Variants in DLGAP1 observed in about 807,000 individuals in gnomAD.
DLGAP1 encodes disks large-associated protein 1.
DLGAP1 carries 11 observed loss-of-function variants against 90.8 expected under a neutral mutation model. The observed-to-expected ratio is 0.12, with a 90% CI of 0.08 to 0.20. DLGAP1 has a LOEUF of 0.20. Among genes scored for constraint, DLGAP1 ranks in the 10% least tolerant of loss-of-function variants. The pLI, the probability that DLGAP1 is intolerant of heterozygous loss-of-function variation, is 1.00. For synonymous variants in DLGAP1, 558 were observed against 540.7 expected, an observed-to-expected ratio of 1.03 and a Z score of -0.44; for missense variants, 1,050 against 1,333.8, an observed-to-expected ratio of 0.79 and a Z score of 3.31.
In DLGAP1 at chr18:3,614,169, C is replaced by T. The variant is rs554926645; in HGVS notation, c.1592-31921G>A. ...TCCTGAGCTCAGGCAATCCGCCCGC[C>T]TCGGCCTCCCAAAGTGCTAGGATTA... On this transcript the variant is annotated intron_variant, in intron 7 of 12. Transcript: ENST00000315677. 4.6e-4 allele frequency among the ~76,000 whole-genome samples: 67 copies of T among 145,764 alleles called. 1 individual carries two copies. In the South Asian group the frequency reaches 0.015, roughly 32 times the overall value.
At chr18:4,323,878 T>C (rs1056148011) in intron 1 of DLGAP1, among the ~76,000 whole-genome samples, 2 of 152,108 alleles carry the variant, frequency 1.3e-5, no homozygotes. Flanking sequence ...AAGGCAGTGT[T>C]AACAACGAAG....
chr18:3,860,121 T>TAAATAAA (rs2069950677), intron 4 of DLGAP1, among the ~76,000 whole-genome samples: 1 of 149,762 alleles, frequency 6.7e-6, no homozygotes, highest in African/African-American at 2.5e-5. Context: ...AATAAATAAA[T>TAAATAAA]TTGCATTGTA....
At chr18:4,365,509 A>G (rs1020012485) in intron 1 of DLGAP1, among the ~76,000 whole-genome samples, 1 of 152,182 alleles carries the variant, frequency 6.6e-6, no homozygotes. Flanking sequence ...CTATAAACGT[A>G]CATAAAATCA....
intron 7 of DLGAP1, among the ~76,000 whole-genome samples, chr18:3,704,093 C>T (rs1365229525): frequency 6.6e-6 from 1 of 152,342 alleles, no homozygotes; most frequent in East Asian, 1.9e-4. Flanking sequence ...AAGGACACAG[C>T]AGCTGAGTCA....
intron 7 of DLGAP1, among the ~76,000 whole-genome samples, chr18:3,646,515 T>C (rs2146377493): frequency 6.6e-6 from 1 of 152,340 alleles, no homozygotes; most frequent in East Asian, 1.9e-4. Context: ...TTGAGTGGTT[T>C]TGATTGCATC....
At chr18:4,065,328 C>A (rs1350408571) in intron 2 of DLGAP1, among the ~76,000 whole-genome samples, 1 of 152,046 alleles carries the variant, frequency 6.6e-6, no homozygotes, top group Non-Finnish European at 1.5e-5. Context: ...CCAGGGAAAT[C>A]AGGCAAGAGA....
intron 1 of DLGAP1, among the ~76,000 whole-genome samples, chr18:4,249,777 G>C (rs1236285540): frequency 6.6e-6 from 1 of 152,044 alleles, no homozygotes; most frequent in Non-Finnish European, 1.5e-5. Context: ...CTGTAGAGAC[G>C]GGGGTCTCAC....
At chr18:3,716,470 A>T (rs887941266) in intron 7 of DLGAP1, among the ~76,000 whole-genome samples, 1 of 152,192 alleles carries the variant, frequency 6.6e-6, no homozygotes, top group Non-Finnish European at 1.5e-5. Flanking sequence ...CAGGAGGCTG[A>T]TGCTGCAGTG....
rs1367451119 is a variant in DLGAP1 at position 3,653,723 on chromosome 18, T to C, written c.1592-71475A>G. The C allele has an allele frequency of 6.6e-6, 1 of 152,194 alleles. No homozygotes were observed. The highest frequency in any genetic ancestry group is 2.4e-5 in the African/African-American group (1 of 41,460). 9.4% of individuals were successfully genotyped at this position (152,194 alleles called of 1,614,324 possible). A position where few individuals can be genotyped will look rare whatever the true frequency, so the allele number is the denominator to read the frequency against. ...AATCTACCTAAAATATTAATACTAGTTTCAGAGCTCTAGGATAATATAGAG... is the reference window on the plus strand; with the variant it reads ...AATCTACCTAAAATATTAATACTAGCTTCAGAGCTCTAGGATAATATAGAG... On this transcript the variant is annotated intron_variant, in intron 7 of 12. Coordinates refer to ENST00000315677, the MANE Select transcript of DLGAP1 (RefSeq NM_004746.4). The surrounding 1 kb of genome is among the most constrained non-coding windows in gnomAD (Gnocchi z 4.6).
intron 2 of DLGAP1, among the ~76,000 whole-genome samples, chr18:4,057,046 C>T (rs185236505): frequency 5.9e-5 from 8 of 134,726 alleles, no homozygotes; most frequent in Admixed American, 5.1e-4. Flanking sequence ...CACACACACA[C>T]ACACACACAC....
chr18:4,253,860 A>G (rs1373946689), intron 1 of DLGAP1, among the ~76,000 whole-genome samples: 1 of 152,194 alleles, frequency 6.6e-6, no homozygotes, highest in African/African-American at 2.4e-5. Context: ...CTGGAATTCA[A>G]CTAAATTCCA....
At chr18:4,358,368 T>C (rs938692334) in intron 1 of DLGAP1, among the ~76,000 whole-genome samples, 2 of 152,156 alleles carry the variant, frequency 1.3e-5, no homozygotes, top group African/African-American at 4.8e-5. Flanking sequence ...TAATTAGTCC[T>C]GAGGGCAGAA....
At chr18:4,382,414 T>G (rs867150884) in intron 1 of DLGAP1, among the ~76,000 whole-genome samples, 3 of 152,162 alleles carry the variant, frequency 2.0e-5, no homozygotes, top group South Asian at 4.2e-4. Flanking sequence ...ATTTTGAAAT[T>G]TTTTCTCTAA....
chr18:4,056,998 CAT>C (rs1266643485), intron 2 of DLGAP1, among the ~76,000 whole-genome samples: 1 of 111,918 alleles, frequency 8.9e-6, no homozygotes, highest in Non-Finnish European at 1.8e-5. Flanking sequence ...AGCAACTGAC[CAT>C]ACATACACAC....
rs1265827266 is a variant in DLGAP1 at position 4,124,352 on chromosome 18, T to A, written c.-159+26828A>T. Among the ~76,000 whole-genome samples, 4 of 152,314 alleles carry A rather than the reference T, an allele frequency of 2.6e-5. No homozygotes were observed. The East Asian group carries it at 7.7e-4, about 29-fold the overall frequency. ...AATTTAATATTATTGGGAAAAAATGTTCGAATAATCCTCATGCCTCTAAAA... is the reference window on the plus strand; with the variant it reads ...AATTTAATATTATTGGGAAAAAATGATCGAATAATCCTCATGCCTCTAAAA... On this transcript the variant is annotated intron_variant, in intron 2 of 12. Transcript: ENST00000315677.
At chr18:3,914,773 A>G (rs1175928696) in intron 3 of DLGAP1, among the ~76,000 whole-genome samples, 1 of 151,956 alleles carries the variant, frequency 6.6e-6, no homozygotes, top group Non-Finnish European at 1.5e-5. Flanking sequence ...TTATTTTTTG[A>G]GACAGGGTCT....
intron 7 of DLGAP1, among the ~76,000 whole-genome samples, chr18:3,637,785 A>G (rs1287548757): frequency 2.0e-5 from 3 of 151,878 alleles, no homozygotes; most frequent in Non-Finnish European, 4.4e-5. Context: ...TAAATATTAT[A>G]TCAATATAAT....
intron 5 of DLGAP1, among the ~76,000 whole-genome samples, chr18:3,807,278 T>C (rs1431406766): frequency 6.6e-6 from 1 of 152,224 alleles, no homozygotes; most frequent in Non-Finnish European, 1.5e-5. Context: ...CCAGTTGATC[T>C]TCCTTTCCCC....
intron 5 of DLGAP1, among the ~76,000 whole-genome samples, chr18:3,773,955 G>C (rs1292338052): frequency 6.6e-6 from 1 of 152,184 alleles, no homozygotes; most frequent in African/African-American, 2.4e-5. Context: ...TGGGAAATGA[G>C]ACTTCTTTGC....
Sources: allele counts gnomAD v4.1 joint callset (sites outside exome capture counted in the v4.1 genomes callset), GRCh38; gene constraint gnomAD v4.1.1; non-coding constraint Gnocchi (gnomAD v3.1); transcripts MANE v1.5; gene names NCBI Gene and HGNC (gene_info 2026-07-23, HGNC 2026-07-21).